The following SUPT3H variants were observed in gnomAD, a reference collection of about 807,000 sequenced individuals.
SUPT3H encodes SPT3 homolog, SAGA and STAGA complex component.
SUPT3H carries 44 observed loss-of-function variants against 44.3 expected under a neutral mutation model. The ratio of observed to expected loss-of-function variants is 0.99; its 90% confidence interval spans 0.78 to 1.28. The LOEUF (loss-of-function observed/expected upper bound fraction) is 1.28. SUPT3H is among the 50% of genes most tolerant of loss of function. The pLI is 0.00. For missense variants in SUPT3H, 380 were observed against 387.1 expected (o/e 0.98, Z 0.15); for synonymous variants, 124 against 125.6 (o/e 0.99, Z 0.09).
At chr6:45,193,671 G>A (rs1291081317) in intron 2 of SUPT3H, among the ~76,000 whole-genome samples, 2 of 152,078 alleles carry the variant, frequency 1.3e-5, no homozygotes, top group African/African-American at 2.4e-5. Flanking sequence ...AGCTGAGATC[G>A]TGTCATTGCA....
chr6:44,930,566 A>ATC (rs1230526207), intron 10 of SUPT3H, among the ~76,000 whole-genome samples: 3 of 1,798 alleles, frequency 1.7e-3, no homozygotes, highest in African/African-American at 7.7e-3. Flanking sequence ...CTCCGTCTCA[A>ATC]AAAAAAAAAA....
intron 2 of SUPT3H, among the ~76,000 whole-genome samples, chr6:45,300,484 A>G (rs1459149494): frequency 6.6e-6 from 1 of 152,216 alleles, no homozygotes; most frequent in Non-Finnish European, 1.5e-5. Context: ...TGGTAGAAAT[A>G]TAAAACTACA....
At chr6:44,835,493 G>A (rs1391114855) in intron 10 of SUPT3H, among the ~76,000 whole-genome samples, 21 of 146,904 alleles carry the variant, frequency 1.4e-4, no homozygotes, top group African/African-American at 2.5e-5. Flanking sequence ...GGCACAGAGG[G>A]TTGAGGTTGA....
intron 2 of SUPT3H, among the ~76,000 whole-genome samples, chr6:45,199,989 T>C (rs1762225027): frequency 6.6e-6 from 1 of 151,398 alleles, no homozygotes; most frequent in Non-Finnish European, 1.5e-5. Context: ...CTTCCGTCCA[T>C]ATAAACATCT....
chr6:45,020,590 C>T lies in SUPT3H; in HGVS notation c.229G>A (p.Val77Ile), dbSNP rs1342049569. ...AACAGAAGATCTTCAGGAGTGATTA[C>T]CCTTGCTCCCCGCAGCTGAGAAACT... ...AEVSQLRGAR[V>I]ITPEDLLFLM... The change falls in exon 4 of 11, where the codon GTA becomes ATA. Residue 77 changes from valine (V) to isoleucine (I), a missense_variant. By Grantham distance (29) the Val-to-Ile change is conservative (BLOSUM62 3). Coordinates refer to ENST00000371459, the MANE Select transcript of SUPT3H (RefSeq NM_003599.4). 18 of 1,611,714 alleles carry T rather than the reference C, an allele frequency of 1.1e-5. No homozygotes were observed. Among genetic ancestry groups the T allele is most frequent in the Non-Finnish European group, 1.5e-5 (18 of 1,178,450 alleles).
At chr6:45,367,758 T>G (rs772225222) in intron 1 of SUPT3H, among the ~76,000 whole-genome samples, 2 of 152,224 alleles carry the variant, frequency 1.3e-5, no homozygotes, top group Non-Finnish European at 2.9e-5. Flanking sequence ...GAGACACTGC[T>G]GGAGCAATCT....
chr6:45,082,565 C>T (rs115949580), intron 3 of SUPT3H, among the ~76,000 whole-genome samples: 2,667 of 152,186 alleles, frequency 0.018, 51 homozygotes, highest in South Asian at 0.085. Flanking sequence ...TCTCAACAGA[C>T]ACAGAAAGAG....
intron 3 of SUPT3H, among the ~76,000 whole-genome samples, chr6:45,048,852 G>A (rs1381077648): frequency 6.6e-6 from 1 of 152,064 alleles, no homozygotes; most frequent in East Asian, 1.9e-4. Flanking sequence ...CACGGAAGTA[G>A]AGAGTAGAAT....
chr6:44,885,361 AC>A (rs1762084573), intron 10 of SUPT3H, among the ~76,000 whole-genome samples: 1 of 151,706 alleles, frequency 6.6e-6, no homozygotes, highest in Non-Finnish European at 1.5e-5. Flanking sequence ...ACTGCGAGGC[AC>A]CCCCAGTAGG....
intron 10 of SUPT3H, among the ~76,000 whole-genome samples, chr6:44,876,836 G>GAAAAAAAAAAAAAAAAAAA (rs200454659): frequency 1.1e-5 from 1 of 92,240 alleles, no homozygotes; most frequent in Non-Finnish European, 2.1e-5. Flanking sequence ...ATCTTCAATT[G>GAAAAAAAAAAAAAAAAAAA]AAAAAAAAAA....
chr6:45,106,689 A>G lies in SUPT3H; in HGVS notation c.102-683T>C, dbSNP rs1799336182. Among the ~76,000 whole-genome samples the G allele has an allele frequency of 2.0e-5, 3 of 151,972 alleles. 1 individual carries two copies. Among genetic ancestry groups the G allele is most frequent in the South Asian group, 4.1e-4 (2 of 4,824 alleles). ...GTAGCTGGGACTACAGGCGCGTGCCACCACACCTGGCTAATTTTTTATTTT... is the reference window on the plus strand; with the variant it reads ...GTAGCTGGGACTACAGGCGCGTGCCGCCACACCTGGCTAATTTTTTATTTT... On this transcript the variant is annotated intron_variant, in intron 2 of 10. Coordinates refer to ENST00000371459, the MANE Select transcript of SUPT3H (RefSeq NM_003599.4).
At chr6:45,369,811 C>A in intron 1 of SUPT3H, among the ~76,000 whole-genome samples, 1 of 152,086 alleles carries the variant, frequency 6.6e-6, no homozygotes. Flanking sequence ...GAGGAAATAA[C>A]AAATACTATG....
At chr6:44,933,313 T>G (rs537785793) in intron 9 of SUPT3H, among the ~76,000 whole-genome samples, 1 of 152,242 alleles carries the variant, frequency 6.6e-6, no homozygotes, top group African/African-American at 2.4e-5. Flanking sequence ...CCAACAACTT[T>G]CTGTTTTAAT....
chr6:44,922,384 C>A (rs958944798), intron 10 of SUPT3H, among the ~76,000 whole-genome samples: 5 of 152,164 alleles, frequency 3.3e-5, no homozygotes, highest in African/African-American at 1.2e-4. Context: ...TTATTATGTT[C>A]TGGGATTAAC....
intron 2 of SUPT3H, among the ~76,000 whole-genome samples, chr6:45,204,425 A>C (rs1762910724): frequency 6.6e-6 from 1 of 152,182 alleles, no homozygotes; most frequent in Admixed American, 6.5e-5. Flanking sequence ...ACAGACAAGC[A>C]GTTCACCAAA....
chr6:45,337,332 C>T (rs1454875969), intron 2 of SUPT3H, among the ~76,000 whole-genome samples: 1 of 151,580 alleles, frequency 6.6e-6, no homozygotes, highest in African/African-American at 2.4e-5. Context: ...TTTTCCTGTA[C>T]GTACCTCTTC....
chr6:45,022,841 T>C (rs578209306), intron 3 of SUPT3H, among the ~76,000 whole-genome samples: 2 of 152,192 alleles, frequency 1.3e-5, no homozygotes, highest in African/African-American at 4.8e-5. Context: ...CTTAGCCCTA[T>C]GGAACCTGTG....
At chr6:45,185,250 G>A (rs1813995623) in intron 2 of SUPT3H, among the ~76,000 whole-genome samples, 1 of 152,098 alleles carries the variant, frequency 6.6e-6, no homozygotes, top group South Asian at 2.1e-4. Flanking sequence ...CACTATGTCT[G>A]TTGTTAGTGG....
At chr6:45,230,686 A>ATATATATATT (rs796866510) in intron 2 of SUPT3H, among the ~76,000 whole-genome samples, 3 of 116,822 alleles carry the variant, frequency 2.6e-5, no homozygotes, top group African/African-American at 6.3e-5. Flanking sequence ...ATATATATAT[A>ATATATATATT]TTTTTGAGAT....
Sources: gnomAD v4.1 joint callset for allele counts (sites outside exome capture counted in the v4.1 genomes callset) on GRCh38, gnomAD v4.1.1 for gene constraint, MANE v1.5 for transcripts, NCBI Gene and HGNC (gene_info 2026-07-23, HGNC 2026-07-21) for gene names.